CACNA2D1: variants seen among roughly 807,000 people sequenced by gnomAD.
CACNA2D1 encodes voltage-dependent calcium channel subunit alpha-2/delta-1.
In CACNA2D1, 53 loss-of-function variants were observed where a neutral mutation model predicts 171.5. The ratio of observed to expected loss-of-function variants is 0.31; its 90% CI spans 0.25 to 0.39. The LOEUF is 0.39. Among genes scored for constraint, CACNA2D1 ranks in the 10% least tolerant of loss-of-function variants. CACNA2D1 has a pLI of 1.00. For synonymous variants in CACNA2D1, 442 were observed against 443.1 expected (o/e 1.00, Z 0.03); for missense variants, 903 against 1,299.8 (o/e 0.69, Z 4.69).
chr7:82,361,228 G>T (rs1821047865), intron 1 of CACNA2D1, among the ~76,000 whole-genome samples: 1 of 152,118 alleles, frequency 6.6e-6, no homozygotes, highest in Admixed American at 6.6e-5. Context: ...ATTACAGCCA[G>T]CTCCCTTTCC....
intron 3 of CACNA2D1, among the ~76,000 whole-genome samples, chr7:82,285,135 T>C (rs1192797916): frequency 6.6e-6 from 1 of 152,078 alleles, no homozygotes; most frequent in East Asian, 1.9e-4. Context: ...TCCTCTCTGA[T>C]TCCCCTCTTC....
At chr7:82,278,495 T>C (rs1585313361) in intron 3 of CACNA2D1, among the ~76,000 whole-genome samples, 1 of 146,886 alleles carries the variant, frequency 6.8e-6, no homozygotes, top group African/African-American at 2.5e-5. Flanking sequence ...GAGGCAGAGG[T>C]TGCAGTCAGC....
At chr7:82,406,157 G>C (rs754801869) in intron 1 of CACNA2D1, among the ~76,000 whole-genome samples, 1 of 151,926 alleles carries the variant, frequency 6.6e-6, no homozygotes, top group Non-Finnish European at 1.5e-5. Context: ...TTCTGTCCTT[G>C]CAATAGTTTG....
In CACNA2D1 at chr7:81,947,862, C is replaced by T. The variant is rs990707173; in HGVS notation, c.*2530G>A. On this transcript the variant is annotated 3_prime_UTR_variant, in exon 39 of 39. Transcript: ENST00000356860. ...GGGAACAACTTTTATTCAGCTTGTT[C>T]TTACCCAATTTGTAATTGCATTTAT... The T allele has an allele frequency of 6.6e-6, 1 of 151,750 alleles. No individual in the cohort carries two copies. The highest frequency in any genetic ancestry group is 1.5e-5 in the Non-Finnish European group (1 of 67,820). The allele number at this position is 151,750 out of a possible 1,614,324, so 9.4% of individuals were successfully genotyped here.
In CACNA2D1 at chr7:81,950,368, T is replaced by C; in HGVS notation, c.*24A>G. On this transcript the variant is annotated 3_prime_UTR_variant, in exon 39 of 39. Transcript: ENST00000356860. ...GTTTTGGCAGGGTCTGGAGTTTAACTATGCAGATTTGGTTTTTAGAAGGTC... is the reference window on the plus strand; with the variant it reads ...GTTTTGGCAGGGTCTGGAGTTTAACCATGCAGATTTGGTTTTTAGAAGGTC... The C allele has an allele frequency of 6.2e-7, 1 of 1,613,008 alleles. No individual in the cohort carries two copies. The highest frequency in any genetic ancestry group is 8.5e-7 in the Non-Finnish European group (1 of 1,179,326).
intron 1 of CACNA2D1, among the ~76,000 whole-genome samples, chr7:82,370,097 T>TA (rs1408718062): frequency 2.0e-5 from 3 of 152,044 alleles, no homozygotes; most frequent in Non-Finnish European, 4.4e-5. Context: ...TACTTAATGT[T>TA]AAAATCTTTA....
chr7:81,960,061 GACCATTTTA>G (rs1236885863), intron 36 of CACNA2D1, among the ~76,000 whole-genome samples: 2 of 152,002 alleles, frequency 1.3e-5, no homozygotes, highest in Non-Finnish European at 2.9e-5. Context: ...TTTTATGTGT[GACCATTTTA>G]AAGTATTAAT....
intron 6 of CACNA2D1, among the ~76,000 whole-genome samples, chr7:82,096,176 A>C (rs1811839796): frequency 6.6e-6 from 1 of 152,198 alleles, no homozygotes; most frequent in Non-Finnish European, 1.5e-5. Flanking sequence ...TAAATGTTTT[A>C]GGTCTATGGT....
intron 20 of CACNA2D1, among the ~76,000 whole-genome samples, chr7:81,991,825 T>A (rs954258701): frequency 6.6e-6 from 1 of 151,960 alleles, no homozygotes; most frequent in Non-Finnish European, 1.5e-5. Context: ...GGTATTGCGA[T>A]GGCACATGTA....
intron 37 of CACNA2D1, 104 bp downstream of exon 37, chr7:81,959,616 G>A (rs1481371786): frequency 2.4e-6 from 3 of 1,254,352 alleles, no homozygotes; most frequent in Non-Finnish European, 3.4e-6. Context: ...GAGGTGATCA[G>A]AGCAGTCTAA....
intron 4 of CACNA2D1, among the ~76,000 whole-genome samples, chr7:82,167,155 C>T (rs1795537893): frequency 6.6e-6 from 1 of 151,970 alleles, no homozygotes; most frequent in African/African-American, 2.4e-5. Context: ...AAATATTGCA[C>T]AGATGCACAT....
chr7:82,252,536 G>A (rs951454026), intron 3 of CACNA2D1, among the ~76,000 whole-genome samples: 12 of 152,144 alleles, frequency 7.9e-5, no homozygotes, highest in Admixed American at 3.9e-4. Context: ...AAAAATAGTA[G>A]GTGTTACACT....
At chr7:82,250,277 G>A (rs1161584583) in intron 3 of CACNA2D1, among the ~76,000 whole-genome samples, 1 of 152,194 alleles carries the variant, frequency 6.6e-6, no homozygotes, top group Non-Finnish European at 1.5e-5. Flanking sequence ...AACCACAGTA[G>A]TAAGTAATGG....
At chr7:82,081,309 T>C (rs983694392) in intron 7 of CACNA2D1, among the ~76,000 whole-genome samples, 1 of 152,194 alleles carries the variant, frequency 6.6e-6, no homozygotes, top group Non-Finnish European at 1.5e-5. Context: ...AATTTTTTAA[T>C]CATGTCATTT....
intron 2 of CACNA2D1, among the ~76,000 whole-genome samples, chr7:82,340,798 C>T (rs1268965969): frequency 6.6e-6 from 1 of 152,120 alleles, no homozygotes; most frequent in Non-Finnish European, 1.5e-5. Flanking sequence ...TACATACATA[C>T]ATTGTATAAA....
At chr7:82,033,486 A>G (rs886406600) in intron 11 of CACNA2D1, among the ~76,000 whole-genome samples, 4 of 152,042 alleles carry the variant, frequency 2.6e-5, no homozygotes, top group African/African-American at 9.7e-5. Context: ...TCTTCAATCC[A>G]CTTTCAAATA....
At chr7:82,244,240 T>C (rs907074480) in intron 3 of CACNA2D1, among the ~76,000 whole-genome samples, 1 of 151,966 alleles carries the variant, frequency 6.6e-6, no homozygotes, top group Non-Finnish European at 1.5e-5. Context: ...CTTCATTTAT[T>C]AGGATTTTAA....
At chr7:82,285,921 C>G (rs1810705211) in intron 3 of CACNA2D1, among the ~76,000 whole-genome samples, 1 of 152,062 alleles carries the variant, frequency 6.6e-6, no homozygotes, top group African/African-American at 2.4e-5. Flanking sequence ...ATTTGTAGAT[C>G]AATGATTAAA....
chr7:82,130,765 C>G (rs376959366), intron 5 of CACNA2D1, among the ~76,000 whole-genome samples: 2 of 138,866 alleles, frequency 1.4e-5, no homozygotes, highest in East Asian at 4.2e-4. Flanking sequence ...TTATTTAGTG[C>G]TTGTTTTTTT....
Sources: gnomAD v4.1 joint callset for allele counts (sites outside exome capture counted in the v4.1 genomes callset) on GRCh38, gnomAD v4.1.1 for gene constraint, MANE v1.5 for transcripts, NCBI Gene and HGNC (gene_info 2026-07-23, HGNC 2026-07-21) for gene names.